SCN3A: variants seen among roughly 807,000 people sequenced by gnomAD.
SCN3A encodes the protein sodium voltage-gated channel alpha subunit 3.
Under a neutral mutation model 187.6 loss-of-function variants are expected in SCN3A, and 60 were observed. That is an observed-to-expected ratio of 0.32 (90% CI 0.26 to 0.40). The LOEUF is 0.40. Among genes scored for constraint, SCN3A ranks in the 10% least tolerant of loss-of-function variants. SCN3A has a pLI of 1.00. For synonymous variants in SCN3A, 788 were observed against 829.2 expected (o/e 0.95, Z 0.85); for missense variants, 1,601 against 2,428.2 (o/e 0.66, Z 7.16).
chr2:165,181,821 C>G (rs1161226125), intron 2 of SCN3A, among the ~76,000 whole-genome samples: 2 of 152,206 alleles, frequency 1.3e-5, no homozygotes, highest in Non-Finnish European at 2.9e-5. Context: ...AACTAGGACA[C>G]TTCAGTATGC....
At chr2:165,106,978 CTGAT>C (rs1217396212) in intron 21 of SCN3A, among the ~76,000 whole-genome samples, 1 of 152,094 alleles carries the variant, frequency 6.6e-6, no homozygotes, top group Non-Finnish European at 1.5e-5. Flanking sequence ...GAAGAACTTG[CTGAT>C]TGATTGGTTG....
chr2:165,183,657 C>T lies in SCN3A; in HGVS notation c.-51+2894G>A, dbSNP rs1056897893. Among the ~76,000 whole-genome samples the T allele has an allele frequency of 2.0e-5, 3 of 152,150 alleles. No individual in the cohort carries two copies. In the East Asian group the frequency reaches 5.8e-4, roughly 29 times the overall value. On this transcript the variant is annotated intron_variant, in intron 2 of 27. Coordinates refer to ENST00000283254, the MANE Select transcript of SCN3A (RefSeq NM_006922.4). Reference sequence around the variant, plus strand: ...TCTCATCTTGCCTAATTTTCCAGAACAGCAGACAGTTTGGCAAATTGTATT... The same window carrying T: ...TCTCATCTTGCCTAATTTTCCAGAATAGCAGACAGTTTGGCAAATTGTATT...
chr2:165,167,674 A>C (rs1244340431), intron 5 of SCN3A, among the ~76,000 whole-genome samples: 9 of 152,182 alleles, frequency 5.9e-5, no homozygotes, highest in Admixed American at 5.2e-4. Context: ...GAAAAATAAG[A>C]AAATGAAATA....
At position 165,176,164 on chromosome 2, in the gene SCN3A, C is replaced by A. The variant is rs752994361; in HGVS notation, c.231G>T (p.Leu77=). 12 of 1,614,012 alleles carry A rather than the reference C, an allele frequency of 7.4e-6. No individual in the cohort carries two copies. The highest frequency in any genetic ancestry group is 1.0e-5 in the Non-Finnish European group (12 of 1,179,930). The change falls in exon 3 of 28, where the codon CTG becomes CTT. Residue 77 remains leucine (L), a synonymous_variant. Transcript: ENST00000283254. ...TGATATAGTAGGGATCCAGGTCCTC[C>A]AGGGGCTCTGACACCATCTCTGGAG... The part of the protein sequence containing the change: ...DIPPEMVSEP[L]EDLDPYYINK...
intron 18 of SCN3A, among the ~76,000 whole-genome samples, chr2:165,126,837 A>G (rs576894430): frequency 3.2e-4 from 49 of 152,300 alleles, no homozygotes; most frequent in Non-Finnish European, 6.8e-4. Flanking sequence ...GGCAAAATAT[A>G]ATAAGTACTA....
Position 165,089,232 on chromosome 2 carries a change from T to C in SCN3A, c.*918A>G, listed in dbSNP as rs913558422. 2 of 152,608 alleles carry C rather than the reference T, an allele frequency of 1.3e-5. No homozygotes were observed. The highest frequency in any genetic ancestry group is 4.8e-5 in the African/African-American group (2 of 41,446). The allele number at this position is 152,608 out of a possible 1,614,324, so 9.5% of individuals were successfully genotyped here. ...CATGCACCACAGGATAAAATAACTA[T>C]TTACATAACATAGGGTATTTAATTG... On this transcript the variant is annotated 3_prime_UTR_variant, in exon 28 of 28. Coordinates refer to ENST00000283254, the MANE Select transcript of SCN3A (RefSeq NM_006922.4).
At chr2:165,109,886 C>T (rs551342331) in intron 21 of SCN3A, among the ~76,000 whole-genome samples, 3 of 151,910 alleles carry the variant, frequency 2.0e-5, no homozygotes, top group African/African-American at 4.8e-5. Flanking sequence ...CGGTTTCTAC[C>T]ACTCTCACTC....
At chr2:165,195,669 C>CA (rs1221906732) in intron 1 of SCN3A, 1 of 152,008 alleles carries the variant, frequency 6.6e-6, no homozygotes, top group Non-Finnish European at 1.5e-5. Flanking sequence ...AAATTGATCT[C>CA]ACAGTGTTTT....
At chr2:165,176,542 A>G (rs1559264748) in intron 2 of SCN3A, 98 bp from the exon 3 acceptor site, 2 of 891,688 alleles carry the variant, frequency 2.2e-6, no homozygotes, top group South Asian at 1.4e-5. Context: ...TTTTAAAGCT[A>G]TAAACATTAA....
chr2:165,198,190 GAAA>G (rs201333342), intron 1 of SCN3A, among the ~76,000 whole-genome samples: 1 of 149,890 alleles, frequency 6.7e-6, no homozygotes, highest in African/African-American at 2.4e-5. Flanking sequence ...AGAAAAAAAA[GAAA>G]AAAAAAGAAT....
chr2:165,132,812 A>G (rs1687423109), intron 15 of SCN3A, among the ~76,000 whole-genome samples: 1 of 152,236 alleles, frequency 6.6e-6, no homozygotes, highest in Non-Finnish European at 1.5e-5. Context: ...GCTTCTGCAC[A>G]GCAAAAGATA....
rs35605491 is a variant in SCN3A at position 165,115,236 on chromosome 2, A to AT, written c.3514+218dup. Among the ~76,000 whole-genome samples, 31,570 of 145,532 alleles carry AT rather than the reference A, an allele frequency of 0.22. 3,333 individuals are homozygous for AT. Among genetic ancestry groups the AT allele is most frequent in the South Asian group, 0.29 (1,326 of 4,628 alleles). The stretch of plus-strand genomic sequence containing the variant: ...GAGCTAATTTATTTTTTCTTTCTTT[A>AT]TTTTTTTTTTTGTAGAGGCAAAGCC... On this transcript the variant is annotated intron_variant, in intron 19 of 27. Coordinates refer to ENST00000283254, the MANE Select transcript of SCN3A (RefSeq NM_006922.4).
rs71393659 is a variant in SCN3A at position 165,153,987 on chromosome 2, A to ATTT, written c.1380+462_1380+464dup. On this transcript the variant is annotated intron_variant, in intron 11 of 27. Coordinates refer to ENST00000283254, the MANE Select transcript of SCN3A (RefSeq NM_006922.4). ...TATCCTGATGTGGGCTATAGCAAAC[A>ATTT]TTTTTTTTTTTTTTTTTTTTTGCTA... Among the ~76,000 whole-genome samples the ATTT allele has an allele frequency of 7.5e-4, 70 of 92,760 alleles. 7 individuals are homozygous for ATTT. Among genetic ancestry groups the ATTT allele is most frequent in the African/African-American group, 2.1e-3 (45 of 21,276 alleles). 60.9% of individuals were successfully genotyped at this position (92,760 alleles called of 152,430 possible). A position where few individuals can be genotyped will look rare whatever the true frequency, so the allele number is the denominator to read the frequency against.
In SCN3A at chr2:165,140,697, C is replaced by CCCA; in HGVS notation, c.1970_1972dup (p.Val657dup). 1 of 1,613,976 alleles carries CCCA rather than the reference C, an allele frequency of 6.2e-7. No individual in the cohort carries two copies. Among genetic ancestry groups the CCCA allele is most frequent in the African/African-American group, 1.3e-5 (1 of 75,008 alleles). On this transcript the variant is annotated inframe_insertion, in exon 13 of 28. Coordinates refer to ENST00000283254, the MANE Select transcript of SCN3A (RefSeq NM_006922.4). The surrounding 1 kb of genome is among the most constrained non-coding windows in gnomAD (Gnocchi z 4.2). ...AGGTGACGTTAGAGCTGAAGGTCCA[C>CCCA]CCACCAAGGAAACCACACCATTGCA...
intron 21 of SCN3A, among the ~76,000 whole-genome samples, chr2:165,106,545 A>G (rs1350200039): frequency 6.6e-6 from 1 of 152,202 alleles, no homozygotes; most frequent in Non-Finnish European, 1.5e-5. Context: ...TACATAATGA[A>G]TGTATGTTAT....
intron 26 of SCN3A, chr2:165,093,808 T>C (rs1216064365): frequency 1.3e-5 from 2 of 153,042 alleles, no homozygotes; most frequent in African/African-American, 4.8e-5. Context: ...GTTTCCTTAC[T>C]CCTTACCAAT....
intron 1 of SCN3A, among the ~76,000 whole-genome samples, chr2:165,189,040 G>T (rs533372407): frequency 6.6e-6 from 1 of 152,148 alleles, no homozygotes; most frequent in Non-Finnish European, 1.5e-5. Context: ...TGGCAATCAA[G>T]CCTGGAATTT....
At chr2:165,155,653 C>A (rs1218021117) in intron 10 of SCN3A, 109 bp downstream of exon 10, 18 of 1,250,380 alleles carry the variant, frequency 1.4e-5, no homozygotes, top group Non-Finnish European at 2.1e-5. Context: ...TCCGCCTCTG[C>A]CTCCCAAAGT....
intron 1 of SCN3A, among the ~76,000 whole-genome samples, chr2:165,201,144 A>T (rs1377944753): frequency 6.6e-6 from 1 of 152,080 alleles, no homozygotes; most frequent in African/African-American, 2.4e-5. Context: ...CTCTATTTTC[A>T]TAAGAAGAAG....
Sources: allele counts gnomAD v4.1 joint callset (sites outside exome capture counted in the v4.1 genomes callset), GRCh38; gene constraint gnomAD v4.1.1; non-coding constraint Gnocchi (gnomAD v3.1); transcripts MANE v1.5; gene names NCBI Gene and HGNC (gene_info 2026-07-23, HGNC 2026-07-21).